PTCHD4: variants seen among roughly 807,000 people sequenced by gnomAD.
PTCHD4 encodes the protein patched domain containing 4.
PTCHD4 carries 33 observed loss-of-function variants against 58.1 expected under a neutral mutation model. That is an observed-to-expected ratio of 0.57 (90% CI 0.43 to 0.76). PTCHD4 has a LOEUF of 0.76. Ranked by LOEUF, PTCHD4 falls within the 30% of genes least tolerant of loss-of-function variation. The pLI, the probability that PTCHD4 is intolerant of heterozygous loss-of-function variation, is 0.00. For synonymous variants in PTCHD4, 478 were observed against 409.6 expected (o/e 1.17, Z -2.02); for missense variants, 1,058 against 1,027.1 (o/e 1.03, Z -0.41).
chr6:47,919,459 G>A (rs985242627), intron 4 of PTCHD4, among the ~76,000 whole-genome samples: 1 of 152,192 alleles, frequency 6.6e-6, no homozygotes, highest in African/African-American at 2.4e-5. Flanking sequence ...GTTGATTATG[G>A]ACAGCCTCTC....
intron 4 of PTCHD4, among the ~76,000 whole-genome samples, chr6:47,925,967 G>C (rs565515984): frequency 4.6e-5 from 7 of 152,074 alleles, no homozygotes; most frequent in Admixed American, 3.9e-4. Context: ...GGCAGATGAG[G>C]CTTCCAAGAC....
At chr6:48,079,970 ATTTTTTTTTTTTTT>A (rs141629864) in intron 1 of PTCHD4, among the ~76,000 whole-genome samples, 5 of 76,146 alleles carry the variant, frequency 6.6e-5, no homozygotes, top group South Asian at 4.8e-4. Context: ...CCTTATGATG[ATTTTTTTTTTTTTT>A]TTTTTTTTTT....
intron 3 of PTCHD4, among the ~76,000 whole-genome samples, chr6:48,011,747 G>T (rs916096052): frequency 6.6e-6 from 1 of 152,080 alleles, no homozygotes; most frequent in African/African-American, 2.4e-5. Flanking sequence ...GTTAATTTTT[G>T]TATAAGGTGT....
intron 3 of PTCHD4, among the ~76,000 whole-genome samples, chr6:48,027,112 T>C (rs1763275573): frequency 6.6e-6 from 1 of 152,142 alleles, no homozygotes; most frequent in South Asian, 2.1e-4. Flanking sequence ...TACATGTGTA[T>C]GTATATATGA....
At chr6:47,994,085 C>T (rs2145364) in intron 4 of PTCHD4, among the ~76,000 whole-genome samples, 106,787 of 152,020 alleles carry the variant, frequency 0.7, 37,571 homozygotes, top group East Asian at 0.84. Context: ...AAGACTTTGA[C>T]CTGTTTTTCC....
intron 4 of PTCHD4, among the ~76,000 whole-genome samples, chr6:47,906,126 T>C (rs530519166): frequency 3.9e-5 from 6 of 152,364 alleles, no homozygotes; most frequent in African/African-American, 1.2e-4. Flanking sequence ...CCCTGTCTTG[T>C]GGCCAAGACT....
chr6:48,080,423 T>C (rs1765143211), intron 1 of PTCHD4, among the ~76,000 whole-genome samples: 1 of 152,184 alleles, frequency 6.6e-6, no homozygotes, highest in African/African-American at 2.4e-5. Context: ...TGATGAAACG[T>C]CTTTCTGTGA....
Position 48,050,072 on chromosome 6 carries a change from T to C in PTCHD4, c.417+18158A>G, listed in dbSNP as rs900646680. On this transcript the variant is annotated intron_variant, in intron 3 of 4. Coordinates refer to ENST00000339488, the MANE Select transcript of PTCHD4 (RefSeq NM_001384253.1). ...TGGCTTATTAAGAAAAGAAGAATTA[T>C]GTAAGGTCATTCTACATTGTTAATA... Among the ~76,000 whole-genome samples, 104 of 152,080 alleles carry C rather than the reference T, an allele frequency of 6.8e-4. 1 individual carries two copies. The highest frequency in any genetic ancestry group is 2.4e-3 in the African/African-American group (100 of 41,520).
chr6:48,034,906 A>G (rs1483033224), intron 3 of PTCHD4, among the ~76,000 whole-genome samples: 2 of 152,156 alleles, frequency 1.3e-5, no homozygotes, highest in South Asian at 2.1e-4. Flanking sequence ...CGTCAGGGAC[A>G]GGGTGGTATC....
chr6:48,035,760 C>T (rs976660760), intron 3 of PTCHD4, among the ~76,000 whole-genome samples: 3 of 152,142 alleles, frequency 2.0e-5, no homozygotes, highest in Non-Finnish European at 2.9e-5. Flanking sequence ...TATCTACTAA[C>T]CCTGGCCTGC....
chr6:48,030,045 C>T (rs1417666282), intron 3 of PTCHD4, among the ~76,000 whole-genome samples: 1 of 151,936 alleles, frequency 6.6e-6, no homozygotes, highest in African/African-American at 2.4e-5. Flanking sequence ...GCTTGGCTTC[C>T]TATCCTTGAG....
At position 48,008,598 on chromosome 6, in the gene PTCHD4, G is replaced by C. The variant is rs370349912; in HGVS notation, c.898+36C>G. The stretch of plus-strand genomic sequence containing the variant: ...GAAATATACTACCTTGCCCCAAACC[G>C]GTAAGAATCCGATTACCACAAGGAT... On this transcript the variant is annotated intron_variant, in intron 4 of 4. Coordinates refer to ENST00000339488, the MANE Select transcript of PTCHD4 (RefSeq NM_001384253.1). 17 of 1,592,486 alleles carry C rather than the reference G, an allele frequency of 1.1e-5. No homozygotes were observed. In the African/African-American group the frequency reaches 2.1e-4, roughly 20 times the overall value.
intron 3 of PTCHD4, among the ~76,000 whole-genome samples, chr6:48,035,994 C>T (rs111250538): frequency 7.9e-5 from 12 of 152,164 alleles, no homozygotes; most frequent in South Asian, 2.1e-4. Context: ...TAAACCCTGC[C>T]TTACATTCTT....
intron 4 of PTCHD4, among the ~76,000 whole-genome samples, chr6:47,897,177 A>G (rs181331516): frequency 1.0e-3 from 156 of 152,198 alleles, no homozygotes; most frequent in African/African-American, 3.6e-3. Context: ...TAAAGAGAAC[A>G]TTTCTACTCC....
intron 3 of PTCHD4, among the ~76,000 whole-genome samples, chr6:48,064,627 T>C (rs954648210): frequency 2.0e-5 from 3 of 152,156 alleles, no homozygotes; most frequent in Non-Finnish European, 4.4e-5. Context: ...AAAGAATACC[T>C]TTATAATAAA....
intron 1 of PTCHD4, among the ~76,000 whole-genome samples, chr6:48,090,676 C>T (rs1582129301): frequency 6.6e-6 from 1 of 152,156 alleles, no homozygotes; most frequent in East Asian, 1.9e-4. Context: ...GTGCATGGGG[C>T]TGGCCATTCA....
rs1275186610 is a variant in PTCHD4 at position 48,068,195 on chromosome 6, T to C, written c.417+35A>G. ...ATCCTGATTTCTCAACACACACAGA[T>C]GGGAAAAAGTATAATTATAGCCCTT... On this transcript the variant is annotated intron_variant, in intron 3 of 4. Transcript: ENST00000339488. The surrounding 1 kb of genome is among the most constrained non-coding windows in gnomAD (Gnocchi z 4.2). The C allele has an allele frequency of 1.3e-6, 2 of 1,515,222 alleles. No individual in the cohort carries two copies. Among genetic ancestry groups the C allele is most frequent in the Non-Finnish European group, 1.8e-6 (2 of 1,129,838 alleles). The allele number at this position is 1,515,222 out of a possible 1,614,324, so 93.9% of individuals were successfully genotyped here. A position where few individuals can be genotyped will look rare whatever the true frequency, so the allele number is the denominator to read the frequency against.
intron 4 of PTCHD4, among the ~76,000 whole-genome samples, chr6:47,881,568 G>A (rs1461561684): frequency 5.9e-5 from 9 of 152,234 alleles, no homozygotes; most frequent in Admixed American, 5.2e-4. Flanking sequence ...TGTAGGTAAC[G>A]CTGTTACTTG....
In PTCHD4 at chr6:47,861,055, C is replaced by T. The variant is rs947359399; in HGVS notation, c.*17248G>A. ...TTTAGTGGAACATTTCAATCGCAGT[C>T]TAATTATTGAGCTCTCCCAATCCCT... is the stretch of plus-strand genomic sequence containing the variant. On this transcript the variant is annotated 3_prime_UTR_variant, in exon 5 of 5. Coordinates refer to ENST00000339488, the MANE Select transcript of PTCHD4 (RefSeq NM_001384253.1). Among the ~76,000 whole-genome samples, 3 of 151,922 alleles carry T rather than the reference C, an allele frequency of 2.0e-5. No individual in the cohort carries two copies. Among genetic ancestry groups the T allele is most frequent in the African/African-American group, 7.2e-5 (3 of 41,390 alleles).
Sources: gnomAD v4.1 joint callset for allele counts (sites outside exome capture counted in the v4.1 genomes callset) on GRCh38, gnomAD v4.1.1 for gene constraint, Gnocchi (gnomAD v3.1) non-coding constraint, MANE v1.5 for transcripts, NCBI Gene and HGNC (gene_info 2026-07-23, HGNC 2026-07-21) for gene names.